The following RNF216 variants were observed in gnomAD, a reference collection of about 807,000 sequenced individuals.
The protein encoded by RNF216 is ring finger protein 216.
Under a neutral mutation model 110.8 loss-of-function variants are expected in RNF216, and 72 were observed. The ratio of observed to expected loss-of-function variants is 0.65; its 90% CI spans 0.54 to 0.79. The LOEUF (loss-of-function observed/expected upper bound fraction) is 0.79, where lower values mean the gene tolerates loss of function less well. Among genes scored for constraint, RNF216 ranks in the 30% least tolerant of loss-of-function variants. The pLI, the probability that RNF216 is intolerant of heterozygous loss-of-function variation, is 0.00. For missense variants in RNF216, 1,342 were observed against 1,141.2 expected (o/e 1.18, Z -2.54); for synonymous variants, 495 against 407.5 (o/e 1.21, Z -2.59).
chr7:5,664,748 A>G (rs1789395685), intron 13 of RNF216, among the ~76,000 whole-genome samples: 3 of 152,236 alleles, frequency 2.0e-5, no homozygotes, highest in Non-Finnish European at 4.4e-5. Context: ...CAGAAACAAG[A>G]TAATCCAAAC....
chr7:5,771,004 C>G (rs575518043), intron 1 of RNF216, among the ~76,000 whole-genome samples: 3 of 152,278 alleles, frequency 2.0e-5, no homozygotes, highest in African/African-American at 7.2e-5. Context: ...GACAGGGTTT[C>G]ACCATGTTGG....
chr7:5,651,835 G>C (rs35663886), intron 14 of RNF216, among the ~76,000 whole-genome samples: 1,608 of 152,204 alleles, frequency 0.011, 13 homozygotes, highest in Non-Finnish European at 0.018. Context: ...TTTTAGTAGA[G>C]ATGGGGTTTC....
chr7:5,708,770 G>T (rs769261218), intron 13 of RNF216, among the ~76,000 whole-genome samples: 13 of 152,128 alleles, frequency 8.5e-5, no homozygotes, highest in Non-Finnish European at 1.6e-4. Flanking sequence ...CAGCTCCAAG[G>T]CATCTAGAGT....
chr7:5,636,844 A>G (rs1211785076), intron 15 of RNF216, among the ~76,000 whole-genome samples: 1 of 152,228 alleles, frequency 6.6e-6, no homozygotes, highest in Admixed American at 6.5e-5. Flanking sequence ...CAACAAGAAA[A>G]CAACAAGGCA....
chr7:5,668,434 AG>A (rs1320469078), intron 13 of RNF216, among the ~76,000 whole-genome samples: 1 of 152,064 alleles, frequency 6.6e-6, no homozygotes, highest in East Asian at 1.9e-4. Flanking sequence ...CGTGTTAGCC[AG>A]GATGGTCTTG....
chr7:5,641,971 T>A (rs1001049095), intron 14 of RNF216, among the ~76,000 whole-genome samples: 3 of 143,196 alleles, frequency 2.1e-5, no homozygotes, highest in African/African-American at 7.9e-5. Flanking sequence ...AGGTGAAGGC[T>A]GCAGTGAGCT....
At chr7:5,751,570 C>T (rs1326525365) in intron 3 of RNF216, among the ~76,000 whole-genome samples, 3 of 152,028 alleles carry the variant, frequency 2.0e-5, no homozygotes, top group Non-Finnish European at 2.9e-5. Flanking sequence ...TTTCCCTCTG[C>T]TTTAATTCTT....
chr7:5,640,805 T>C (rs1338723656), intron 15 of RNF216, among the ~76,000 whole-genome samples: 1 of 152,248 alleles, frequency 6.6e-6, no homozygotes, highest in Non-Finnish European at 1.5e-5. Flanking sequence ...GTAGTTTTCT[T>C]TGTTAGGGCT....
intron 1 of RNF216, chr7:5,777,494 G>C (rs1412430150): frequency 6.6e-6 from 1 of 152,224 alleles, no homozygotes; most frequent in Non-Finnish European, 1.5e-5. Context: ...TACCTAGGGG[G>C]AGGAGAAGAA....
chr7:5,736,188 C>T (rs946515561), intron 5 of RNF216, among the ~76,000 whole-genome samples: 2 of 152,212 alleles, frequency 1.3e-5, no homozygotes, highest in Admixed American at 6.5e-5. Context: ...GACTGTACTG[C>T]TGCCATCTCT....
At chr7:5,723,483 T>C (rs1408056023) in intron 8 of RNF216, among the ~76,000 whole-genome samples, 1 of 151,818 alleles carries the variant, frequency 6.6e-6, no homozygotes, top group Non-Finnish European at 1.5e-5. Flanking sequence ...CCGTCTCTAC[T>C]AAAAACACAA....
Position 5,652,466 on chromosome 7 carries a change from G to T in RNF216, c.2106C>A (p.Gly702=), listed in dbSNP as rs754569253. The T allele has an allele frequency of 1.2e-6, 2 of 1,613,936 alleles. No homozygotes were observed. Among genetic ancestry groups the T allele is most frequent in the Non-Finnish European group, 1.7e-6 (2 of 1,179,854 alleles). ...TTTCAGCCAGCTCTTCACAGGTGAGGCCATTATGTTCTTTCCAGAGTCCCT... is the reference window on the plus strand; with the variant it reads ...TTTCAGCCAGCTCTTCACAGGTGAGTCCATTATGTTCTTTCCAGAGTCCCT... The part of the protein sequence containing the change: ...KCQGLWKEHN[G]LTCEELAEKD... The change falls in exon 14 of 17, where the codon GGC becomes GGA. Residue 702 remains glycine (G), a synonymous_variant. Transcript: ENST00000389902.
intron 9 of RNF216, among the ~76,000 whole-genome samples, chr7:5,719,476 A>G (rs1333405692): frequency 2.0e-5 from 3 of 152,236 alleles, no homozygotes; most frequent in Non-Finnish European, 4.4e-5. Context: ...TGTGCCCAAA[A>G]GCAAAGATGT....
At chr7:5,658,261 T>A (rs1040145042) in intron 13 of RNF216, among the ~76,000 whole-genome samples, 1 of 152,208 alleles carries the variant, frequency 6.6e-6, no homozygotes. Flanking sequence ...AAGCCAAGTA[T>A]CTGAACCTCA....
At chr7:5,681,679 G>T (rs1480021580) in intron 13 of RNF216, among the ~76,000 whole-genome samples, 1 of 152,126 alleles carries the variant, frequency 6.6e-6, no homozygotes, top group African/African-American at 2.4e-5. Flanking sequence ...TTTCTGTCTG[G>T]TATGTTGGCC....
At chr7:5,671,168 C>T (rs1216661838) in intron 13 of RNF216, among the ~76,000 whole-genome samples, 1 of 152,196 alleles carries the variant, frequency 6.6e-6, no homozygotes, top group African/African-American at 2.4e-5. Context: ...TTAGGCTCAG[C>T]AACTGCTCCA....
intron 2 of RNF216, among the ~76,000 whole-genome samples, chr7:5,755,931 C>T (rs1017901520): frequency 6.6e-6 from 1 of 151,970 alleles, no homozygotes; most frequent in Non-Finnish European, 1.5e-5. Flanking sequence ...TGCTTCACGT[C>T]CTTATGGGAA....
intron 13 of RNF216, among the ~76,000 whole-genome samples, chr7:5,674,852 C>T (rs867151675): frequency 1.3e-5 from 2 of 151,904 alleles, no homozygotes; most frequent in Non-Finnish European, 2.9e-5. Flanking sequence ...CAAAAATTAG[C>T]TGGGCATAGT....
chr7:5,711,741 A>G lies in RNF216; in HGVS notation c.2061+20T>C. On this transcript the variant is annotated intron_variant, in intron 13 of 16. Coordinates refer to ENST00000389902, the MANE Select transcript of RNF216 (RefSeq NM_207111.4). The stretch of plus-strand genomic sequence containing the variant: ...ATACCATAATTCAATATACATCTAG[A>G]AAAAAATGTGCCTCCCTACCTTTCG... 6.2e-7 allele frequency: 1 copy of G among 1,600,562 alleles called. No homozygotes were observed. Among genetic ancestry groups the G allele is most frequent in the South Asian group, 1.1e-5 (1 of 89,492 alleles).
Sources: gnomAD v4.1 joint callset for allele counts (sites outside exome capture counted in the v4.1 genomes callset) on GRCh38, gnomAD v4.1.1 for gene constraint, MANE v1.5 for transcripts, NCBI Gene and HGNC (gene_info 2026-07-23, HGNC 2026-07-21) for gene names.